The following CHST10 variants were observed in gnomAD, a reference collection of about 807,000 sequenced individuals.
The protein encoded by CHST10 is carbohydrate sulfotransferase 10, also known as HNK-1 sulfotransferase.
In CHST10, 24 loss-of-function variants were observed where a neutral mutation model predicts 34.7. The observed-to-expected ratio is 0.69, with a 90% CI of 0.50 to 0.97. CHST10 has a LOEUF of 0.97. CHST10 is among the 50% of genes least tolerant of loss of function. The pLI is 0.00. For missense variants in CHST10, 402 were observed against 452.1 expected, an observed-to-expected ratio of 0.89 and a Z score of 1.00; for synonymous variants, 161 against 169.3, an observed-to-expected ratio of 0.95 and a Z score of 0.38.
rs1159256558 is a variant in CHST10 at position 100,392,968 on chromosome 2, A to G, written c.*277T>C. The G allele has an allele frequency of 2.3e-6, 1 of 440,128 alleles. No individual in the cohort carries two copies. The highest frequency in any genetic ancestry group is 4.1e-6 in the Non-Finnish European group (1 of 243,600). 27.3% of individuals were successfully genotyped at this position (440,128 alleles called of 1,614,324 possible). On this transcript the variant is annotated 3_prime_UTR_variant, in exon 7 of 7. Transcript: ENST00000264249. The stretch of plus-strand genomic sequence containing the variant: ...CTCCCTGCTGGGCTGTCAAACTGCA[A>G]ATCTTTAGCCTTTTCTCCCCTCTGA...
At chr2:100,412,839 ATCT>A (rs1408373800) in intron 2 of CHST10, among the ~76,000 whole-genome samples, 1 of 152,210 alleles carries the variant, frequency 6.6e-6, no homozygotes, top group African/African-American at 2.4e-5. Flanking sequence ...CACTGCCTTC[ATCT>A]TACTCTCCTT....
Position 100,393,406 on chromosome 2 carries a change from A to G in CHST10, c.910T>C (p.Ser304Pro). The G allele has an allele frequency of 1.2e-6, 2 of 1,614,136 alleles. No homozygotes were observed. Residue 304 changes from serine (S) to proline (P), a missense_variant, in exon 7 of 7, where the codon TCA (serine) becomes CCA (proline). Physicochemically the swap from Ser to Pro is moderately conservative, Grantham distance 74. Coordinates refer to ENST00000264249, the MANE Select transcript of CHST10 (RefSeq NM_004854.5). ...ATGCCCGGAGGGATAGTCGGGTATG[A>G]CACCAGGTGGTCAATGCCAGCCTCT... Reference protein sequence around the residue: ...LKEAGIDHLVSYPTIPPGITV... With the variant: ...LKEAGIDHLVPYPTIPPGITV...
Position 100,393,796 on chromosome 2 carries a change from C to T in CHST10, c.534-14G>A, listed in dbSNP as rs201022725. The T allele has an allele frequency of 1.1e-4, 175 of 1,597,494 alleles. No homozygotes were observed. Among genetic ancestry groups the T allele is most frequent in the Non-Finnish European group, 1.2e-4 (138 of 1,175,260 alleles). The stretch of plus-strand genomic sequence containing the variant: ...TATGTTTTCAATCTAAGGAAAAAAA[C>T]GAACAAGAGGTTAACTTGATGCCAC... On this transcript the variant is annotated splice_polypyrimidine_tract_variant and intron_variant, in intron 6 of 6. Coordinates refer to ENST00000264249, the MANE Select transcript of CHST10 (RefSeq NM_004854.5).
intron 3 of CHST10, among the ~76,000 whole-genome samples, chr2:100,404,627 C>A (rs1009942057): frequency 6.6e-6 from 1 of 152,094 alleles, no homozygotes; most frequent in Non-Finnish European, 1.5e-5. Flanking sequence ...ACATTCAGCA[C>A]AAAACTTGAT....
rs1363551329 is a variant in CHST10, at chr2:100,402,792, C to T, written c.101-137G>A. 1.1e-4 allele frequency: 70 copies of T among 663,474 alleles called. 1 individual carries two copies. Among genetic ancestry groups the T allele is most frequent in the Non-Finnish European group, 1.5e-4 (60 of 392,158 alleles). 41.1% of individuals were successfully genotyped at this position (663,474 alleles called of 1,614,324 possible). ...TGACAAAGCCATAAAAGCCATTCAG[C>T]GGAGGAGGGCAGTCTGTCCAACAAA... On this transcript the variant is annotated intron_variant, in intron 3 of 6. Coordinates refer to ENST00000264249, the MANE Select transcript of CHST10 (RefSeq NM_004854.5).
At position 100,398,035 on chromosome 2, in the gene CHST10, G is replaced by A. The variant is rs1402547279; in HGVS notation, c.300C>T (p.Leu100=). Residue 100 remains leucine (L), a synonymous_variant, in exon 5 of 7, where the codon CTC becomes CTT. Coordinates refer to ENST00000264249, the MANE Select transcript of CHST10 (RefSeq NM_004854.5). ...NVCRDDALKN[L]SHTPVSKFVL... ...CAAACTTGGAGACAGGAGTGTGCGA[G>A]AGATTCTTCAGGGCATCATCCCTGC... is the stretch of plus-strand genomic sequence containing the variant. 1.1e-5 allele frequency: 18 copies of A among 1,614,058 alleles called. No homozygotes were observed. Among genetic ancestry groups the A allele is most frequent in the Non-Finnish European group, 1.5e-5 (18 of 1,180,038 alleles).
intron 4 of CHST10, among the ~76,000 whole-genome samples, chr2:100,401,337 T>G (rs1426181567): frequency 6.6e-6 from 1 of 152,144 alleles, no homozygotes; most frequent in Non-Finnish European, 1.5e-5. Context: ...TGAAACCCAG[T>G]AAAGTACACT....
chr2:100,395,731 G>T, intron 5 of CHST10, 117 bp from the exon 6 acceptor site: 2 of 653,292 alleles, frequency 3.1e-6, no homozygotes, highest in East Asian at 2.7e-5. Context: ...TGCATGACAA[G>T]CCCACCCCCA....
Position 100,393,446 on chromosome 2 carries a change from G to A in CHST10, c.870C>T (p.Ala290=), listed in dbSNP as rs3748934. The A allele has an allele frequency of 1.6e-3, 2,525 of 1,614,054 alleles. 38 individuals are homozygous for A. In the East Asian group the frequency reaches 0.041, roughly 26 times the overall value. Residue 290 remains alanine, a synonymous_variant, in exon 7 of 7, where the codon GCC becomes GCT. Coordinates refer to ENST00000264249, the MANE Select transcript of CHST10 (RefSeq NM_004854.5). The stretch of plus-strand genomic sequence containing the variant: ...TGCCAGCCTCTTTTAAGATGTATGG[G>A]GCATCGTCCTCCAGGGTCTCGTGGT... ...IGHHETLEDD[A]PYILKEAGID...
chr2:100,393,842 G>C, intron 6 of CHST10, 60 bp from the exon 7 acceptor site: 1 of 1,403,122 alleles, frequency 7.1e-7, no homozygotes, highest in East Asian at 2.3e-5. Context: ...AGCTGAGGGG[G>C]CGGGAGAGGG....
intron 3 of CHST10, among the ~76,000 whole-genome samples, chr2:100,403,951 C>T (rs1675451504): frequency 6.6e-6 from 1 of 152,194 alleles, no homozygotes; most frequent in South Asian, 2.1e-4. Flanking sequence ...AGGGGAGAGG[C>T]CTACACCACC....
intron 1 of CHST10, chr2:100,417,148 G>A (rs1319618689): frequency 3.1e-6 from 3 of 978,456 alleles, no homozygotes; most frequent in Non-Finnish European, 2.9e-6. Flanking sequence ...ATAATTCCGC[G>A]GGTCACAGCA....
intron 4 of CHST10, among the ~76,000 whole-genome samples, chr2:100,398,614 G>A (rs1263103806): frequency 6.6e-6 from 1 of 152,156 alleles, no homozygotes; most frequent in Non-Finnish European, 1.5e-5. Flanking sequence ...TCAGGCAGGA[G>A]AATCACCTGA....
chr2:100,416,194 CCCTGTTTCTATT>C (rs1397019954), intron 1 of CHST10: 15 of 152,126 alleles, frequency 9.9e-5, no homozygotes, highest in African/African-American at 3.4e-4. Context: ...CACCTCTCTC[CCCTGTTTCTATT>C]CCTGGCTCTC....
intron 4 of CHST10, 55 bp downstream of exon 4, chr2:100,402,509 C>T (rs924124924): frequency 1.1e-5 from 17 of 1,486,532 alleles, no homozygotes; most frequent in Middle Eastern, 2.3e-4. Context: ...GCCAGCTCCC[C>T]GCGACAAGGG....
chr2:100,402,885 C>T (rs1457562514), intron 3 of CHST10, among the ~76,000 whole-genome samples: 1 of 152,194 alleles, frequency 6.6e-6, no homozygotes. Flanking sequence ...CCTTATTCAA[C>T]AATGAACTCA....
intron 3 of CHST10, among the ~76,000 whole-genome samples, chr2:100,405,722 T>C (rs1675539693): frequency 6.6e-6 from 1 of 152,184 alleles, no homozygotes; most frequent in Non-Finnish European, 1.5e-5. Flanking sequence ...CGTTCCCCAG[T>C]ATCTCCCAAT....
chr2:100,399,635 G>A (rs993466108), intron 4 of CHST10, among the ~76,000 whole-genome samples: 4 of 152,194 alleles, frequency 2.6e-5, no homozygotes, highest in African/African-American at 9.6e-5. Context: ...GAACCGGGAC[G>A]CTGGAACTAT....
chr2:100,406,483 C>T, intron 3 of CHST10, 93 bp downstream of exon 3: 3 of 1,505,712 alleles, frequency 2.0e-6, no homozygotes, highest in Non-Finnish European at 2.7e-6. Context: ...TCCTTTGACT[C>T]TGTGACAGAA....
Sources: allele counts gnomAD v4.1 joint callset (sites outside exome capture counted in the v4.1 genomes callset), GRCh38; gene constraint gnomAD v4.1.1; transcripts MANE v1.5; gene names NCBI Gene and HGNC (gene_info 2026-07-23, HGNC 2026-07-21).